The following GPR155 variants were observed in gnomAD, a reference collection of about 807,000 sequenced individuals.
The protein encoded by GPR155 is G protein-coupled receptor 155.
In GPR155, 65 loss-of-function variants were observed where a neutral mutation model predicts 93.1. The observed-to-expected ratio is 0.70, with a 90% CI of 0.57 to 0.86. The LOEUF is 0.86. Ranked by LOEUF, GPR155 falls within the 40% of genes least tolerant of loss-of-function variation. The pLI, the probability that GPR155 is intolerant of heterozygous loss-of-function variation, is 0.00. For synonymous variants in GPR155, 319 were observed against 360.1 expected (o/e 0.89, Z 1.29); for missense variants, 838 against 1,034.8 (o/e 0.81, Z 2.61).
At chr2:174,483,280 A>T (rs1688382703) in intron 1 of GPR155, 1 of 152,238 alleles carries the variant, frequency 6.6e-6, no homozygotes, top group South Asian at 2.1e-4. Flanking sequence ...GTTTACAGAC[A>T]GAATTTTTTT....
intron 3 of GPR155, among the ~76,000 whole-genome samples, chr2:174,472,382 G>C (rs1005743024): frequency 6.6e-6 from 1 of 152,206 alleles, no homozygotes; most frequent in African/African-American, 2.4e-5. Context: ...CTCCAGTCTA[G>C]TTGACAGAGC....
intron 3 of GPR155, among the ~76,000 whole-genome samples, chr2:174,472,689 T>TG (rs554854567): frequency 5.2e-4 from 79 of 152,320 alleles, no homozygotes; most frequent in Admixed American, 2.2e-3. Context: ...ACTGTCAAAC[T>TG]GGGACATGAG....
intron 7 of GPR155, among the ~76,000 whole-genome samples, chr2:174,462,374 G>C (rs1178973757): frequency 6.6e-6 from 1 of 152,102 alleles, no homozygotes; most frequent in African/African-American, 2.4e-5. Flanking sequence ...TCAGTGGCAT[G>C]ATCTTGGTTC....
chr2:174,466,015 A>G, intron 6 of GPR155, 113 bp from the exon 7 acceptor site: 1 of 591,016 alleles, frequency 1.7e-6, no homozygotes, highest in Non-Finnish European at 3.1e-6. Context: ...ATTCACAGCA[A>G]ATATAATTAT....
chr2:174,439,131 T>A (rs1357360549), intron 15 of GPR155, among the ~76,000 whole-genome samples: 3 of 152,198 alleles, frequency 2.0e-5, no homozygotes, highest in Non-Finnish European at 4.4e-5. Context: ...CTGATTATAA[T>A]GATATATATG....
intron 1 of GPR155, 139 bp from the exon 2 acceptor site, chr2:174,482,126 A>G (rs1449372778): frequency 3.4e-6 from 2 of 583,700 alleles, no homozygotes; most frequent in East Asian, 2.8e-5. Flanking sequence ...TACTTATTCA[A>G]TGGCCAAATA....
At chr2:174,442,370 A>G (rs1371882105) in intron 13 of GPR155, among the ~76,000 whole-genome samples, 187 bp from the exon 14 acceptor site, 1 of 152,184 alleles carries the variant, frequency 6.6e-6, no homozygotes, top group African/African-American at 2.4e-5. Flanking sequence ...CCTTTTCCCA[A>G]TCATTCTATC....
rs751902888 is a variant in GPR155, at chr2:174,436,161, T to C, written c.2568A>G (p.Lys856=). The C allele has an allele frequency of 1.9e-6, 3 of 1,614,010 alleles. No individual in the cohort carries two copies. The highest frequency in any genetic ancestry group is 2.5e-6 in the Non-Finnish European group (3 of 1,179,876). Reference sequence around the variant, plus strand: ...AGGGTGGGGATGAATGCTCAATTTCTTTATATCTTTCCTGTTGGAGAGTGT... The same window carrying C: ...AGGGTGGGGATGAATGCTCAATTTCCTTATATCTTTCCTGTTGGAGAGTGT... ...NANTLQQERY[K]EIEHSSPPSH... Residue 856 remains lysine, a synonymous_variant, in exon 16 of 16, where the codon AAA becomes AAG. Coordinates refer to ENST00000392552, the MANE Select transcript of GPR155 (RefSeq NM_152529.7).
At position 174,470,452 on chromosome 2, in the gene GPR155, C is replaced by T. The variant is rs773771653; in HGVS notation, c.964G>A (p.Val322Ile). 3.7e-6 allele frequency: 6 copies of T among 1,613,558 alleles called. No individual in the cohort carries two copies. In the African/African-American group the frequency reaches 4.0e-5, roughly 11 times the overall value. ...GCCACTCCTGGTGCTACAGGAAATACACCATACAGAAATGCATAATTTGAT... is the reference window on the plus strand; with the variant it reads ...GCCACTCCTGGTGCTACAGGAAATATACCATACAGAAATGCATAATTTGAT... ...SLSNYAFLYG[V>I]FPVAPGVAIF... Residue 322 changes from valine to isoleucine, a missense_variant, in exon 4 of 16, where the codon GTA becomes ATA. By Grantham distance (29) the Val-to-Ile change is conservative (BLOSUM62 3). This residue lies in a region of GPR155 where 663 missense variants were observed against 790.1 expected (regional missense o/e 0.84). Transcript: ENST00000392552.
rs150033056 is a variant in GPR155 at position 174,468,906 on chromosome 2, A to C, written c.1182+6T>G. The C allele has an allele frequency of 6.2e-7, 1 of 1,611,762 alleles. No homozygotes were observed. Among genetic ancestry groups the C allele is most frequent in the African/African-American group, 1.3e-5 (1 of 74,876 alleles). On this transcript the variant is annotated splice_donor_region_variant and intron_variant, in intron 5 of 15. Transcript: ENST00000392552. ...TTCCATTCATTTTGGGATGCAACGT[A>C]CTTACCAAGGAGATCAGGCTGACAA...
At chr2:174,463,669 G>A (rs1476836871) in intron 7 of GPR155, among the ~76,000 whole-genome samples, 2 of 152,204 alleles carry the variant, frequency 1.3e-5, no homozygotes, top group African/African-American at 4.8e-5. Flanking sequence ...ATAGCAGTGA[G>A]TTCCATTTTA....
At chr2:174,447,371 A>G (rs1044803289) in intron 11 of GPR155, among the ~76,000 whole-genome samples, 1 of 146,804 alleles carries the variant, frequency 6.8e-6, no homozygotes, top group African/African-American at 2.5e-5. Context: ...TATAATTAAT[A>G]TAATTAAGTA....
At chr2:174,483,411 C>G (rs1298693551) in intron 1 of GPR155, among the ~76,000 whole-genome samples, 2 of 151,966 alleles carry the variant, frequency 1.3e-5, no homozygotes, top group Non-Finnish European at 1.5e-5. Flanking sequence ...GTAAAATGTT[C>G]TAAAGAGGTT....
At chr2:174,462,360 G>A (rs1687724483) in intron 7 of GPR155, among the ~76,000 whole-genome samples, 1 of 152,174 alleles carries the variant, frequency 6.6e-6, no homozygotes. Flanking sequence ...GCCCAGGCTG[G>A]AGTTCAGTGG....
chr2:174,459,897 T>G lies in GPR155; in HGVS notation c.1752A>C (p.Thr584=). 1 of 1,610,672 alleles carries G rather than the reference T, an allele frequency of 6.2e-7. No individual in the cohort carries two copies. Among genetic ancestry groups the G allele is most frequent in the South Asian group, 1.1e-5 (1 of 91,006 alleles). ...TCATACTTGTTTCTGGAATAGAGCTTGTAAAAAGTTCTGGTTCATTTACTG... is the reference window on the plus strand; with the variant it reads ...TCATACTTGTTTCTGGAATAGAGCTGGTAAAAAGTTCTGGTTCATTTACTG... ...PAPVNEPELF[T]SSIPETSCCS... The change falls in exon 10 of 16, where the codon ACA becomes ACC. Residue 584 remains threonine (T), a synonymous_variant. Coordinates refer to ENST00000392552, the MANE Select transcript of GPR155 (RefSeq NM_152529.7).
chr2:174,473,408 TAC>T, intron 2 of GPR155, 44 bp from the exon 3 acceptor site: 1 of 1,244,344 alleles, frequency 8.0e-7, no homozygotes, highest in Non-Finnish European at 1.1e-6. Flanking sequence ...ACCACAGAAA[TAC>T]AGATATATGT....
chr2:174,461,331 G>T, intron 9 of GPR155, 71 bp downstream of exon 9: 1 of 881,636 alleles, frequency 1.1e-6, no homozygotes, highest in Non-Finnish European at 1.9e-6. Flanking sequence ...TTTAATATAA[G>T]TCTAGCAAGG....
chr2:174,449,713 C>T (rs577306442), intron 11 of GPR155, among the ~76,000 whole-genome samples: 245 of 152,250 alleles, frequency 1.6e-3, no homozygotes, highest in Non-Finnish European at 2.9e-3. Flanking sequence ...CGGTGGCTCA[C>T]GCCTGTAATC....
chr2:174,434,353 G>A lies in GPR155; in HGVS notation c.*1763C>T, dbSNP rs1295428727. 1 of 150,786 alleles carries A rather than the reference G, an allele frequency of 6.6e-6. No individual in the cohort carries two copies. Among genetic ancestry groups the A allele is most frequent in the Non-Finnish European group, 1.5e-5 (1 of 67,752 alleles). 9.3% of individuals were successfully genotyped at this position (150,786 alleles called of 1,614,324 possible). A position where few individuals can be genotyped will look rare whatever the true frequency, so the allele number is the denominator to read the frequency against. ...CAGGGAATAAAGTAGAAGTTATCCTGCATTACGATGCTTTGTTCAAACACA... is the reference window on the plus strand; with the variant it reads ...CAGGGAATAAAGTAGAAGTTATCCTACATTACGATGCTTTGTTCAAACACA... On this transcript the variant is annotated 3_prime_UTR_variant, in exon 16 of 16. Transcript: ENST00000392552.
Sources: gnomAD v4.1 joint callset for allele counts (sites outside exome capture counted in the v4.1 genomes callset) on GRCh38, gnomAD v4.1.1 for gene constraint, gnomAD v4.1.1 regional missense constraint, MANE v1.5 for transcripts, NCBI Gene and HGNC (gene_info 2026-07-23, HGNC 2026-07-21) for gene names.